Variants in ARHGAP42 observed in about 807,000 individuals in gnomAD.
The protein encoded by ARHGAP42 is rho GTPase-activating protein 42.
A neutral mutation model predicts 125.0 loss-of-function variants in ARHGAP42; 63 were observed. That is an observed-to-expected ratio of 0.50 (90% CI 0.41 to 0.62). The LOEUF is 0.62. Ranked by LOEUF, ARHGAP42 falls within the 20% of genes least tolerant of loss-of-function variation. ARHGAP42 has a pLI of 0.00. For synonymous variants in ARHGAP42, 339 were observed against 351.0 expected, an observed-to-expected ratio of 0.97 and a Z score of 0.38; for missense variants, 766 against 1,024.2, an observed-to-expected ratio of 0.75 and a Z score of 3.44.
chr11:100,745,508 G>A (rs1464817747), intron 1 of ARHGAP42, among the ~76,000 whole-genome samples: 1 of 152,150 alleles, frequency 6.6e-6, no homozygotes, highest in Non-Finnish European at 1.5e-5. Flanking sequence ...AAGAATTGAG[G>A]CTGTTATTCT....
intron 3 of ARHGAP42, among the ~76,000 whole-genome samples, chr11:100,852,673 C>A (rs1222969491): frequency 6.6e-6 from 1 of 152,100 alleles, no homozygotes; most frequent in African/African-American, 2.4e-5. Context: ...TGTACAGTGT[C>A]TCTGATTTTT....
intron 3 of ARHGAP42, chr11:100,839,293 C>T (rs576279857): frequency 1.3e-5 from 2 of 152,118 alleles, no homozygotes; most frequent in South Asian, 2.1e-4. Flanking sequence ...TAATGGAAGA[C>T]AATGTCCTTT....
intron 2 of ARHGAP42, among the ~76,000 whole-genome samples, chr11:100,778,093 G>C (rs544219401): frequency 6.6e-6 from 1 of 152,050 alleles, no homozygotes; most frequent in South Asian, 2.1e-4. Flanking sequence ...AGGATCCCTT[G>C]AGCCCAGAAG....
At chr11:100,693,205 G>C (rs1277187368) in intron 1 of ARHGAP42, among the ~76,000 whole-genome samples, 1 of 145,962 alleles carries the variant, frequency 6.9e-6, no homozygotes, top group Non-Finnish European at 1.5e-5. Flanking sequence ...ATTCCTGTTT[G>C]TTTTGTGAGA....
intron 10 of ARHGAP42, among the ~76,000 whole-genome samples, chr11:100,947,827 C>T (rs1047154488): frequency 6.6e-5 from 10 of 151,894 alleles, no homozygotes; most frequent in African/African-American, 2.2e-4. Flanking sequence ...TATTTTATAT[C>T]TTTTCCTCCA....
chr11:100,710,608 C>T (rs1051465193), intron 1 of ARHGAP42, among the ~76,000 whole-genome samples: 3 of 143,324 alleles, frequency 2.1e-5, no homozygotes, highest in Admixed American at 1.4e-4. Context: ...GGCACGATCT[C>T]GGCTCACTGC....
chr11:100,835,780 G>A (rs892699545), intron 3 of ARHGAP42, among the ~76,000 whole-genome samples: 1 of 136,984 alleles, frequency 7.3e-6, no homozygotes, highest in Admixed American at 7.3e-5. Flanking sequence ...ATATTCCATT[G>A]GATCCCCCCT....
At chr11:100,847,584 A>G (rs184625270) in intron 3 of ARHGAP42, among the ~76,000 whole-genome samples, 1 of 152,264 alleles carries the variant, frequency 6.6e-6, no homozygotes, top group East Asian at 1.9e-4. Flanking sequence ...CGTTAAATAT[A>G]GGTGGGTCGT....
intron 1 of ARHGAP42, among the ~76,000 whole-genome samples, chr11:100,752,626 A>T (rs1862485768): frequency 6.6e-6 from 1 of 152,240 alleles, no homozygotes; most frequent in Non-Finnish European, 1.5e-5. Flanking sequence ...GAATCCAGTG[A>T]TGTAACCTGT....
At chr11:100,787,201 C>G (rs1863457644) in intron 2 of ARHGAP42, among the ~76,000 whole-genome samples, 1 of 151,734 alleles carries the variant, frequency 6.6e-6, no homozygotes, top group Admixed American at 6.6e-5. Context: ...TGGCATGAAC[C>G]TGGGAGGCAG....
At chr11:100,710,064 A>G (rs929221823) in intron 1 of ARHGAP42, among the ~76,000 whole-genome samples, 2 of 152,154 alleles carry the variant, frequency 1.3e-5, no homozygotes, top group African/African-American at 2.4e-5. Context: ...AACTATTTTC[A>G]AAGCACATTC....
chr11:100,951,620 A>C (rs747401383), intron 12 of ARHGAP42, among the ~76,000 whole-genome samples: 6 of 152,144 alleles, frequency 3.9e-5, no homozygotes, highest in Non-Finnish European at 7.4e-5. Context: ...ATCAGAATAT[A>C]CTGATGCTTA....
intron 1 of ARHGAP42, among the ~76,000 whole-genome samples, chr11:100,688,964 T>C (rs1241860111): frequency 6.6e-6 from 1 of 152,182 alleles, no homozygotes; most frequent in Non-Finnish European, 1.5e-5. Context: ...GATAGGGATG[T>C]GTGCGCCTAA....
chr11:100,721,899 T>G (rs1861764774), intron 1 of ARHGAP42, among the ~76,000 whole-genome samples: 1 of 152,228 alleles, frequency 6.6e-6, no homozygotes, highest in South Asian at 2.1e-4. Context: ...ATAAAGCTGT[T>G]ATAAAAATTT....
At chr11:100,975,936 A>T (rs1858378422) in intron 19 of ARHGAP42, 121 bp from the exon 20 acceptor site, 1 of 1,136,296 alleles carries the variant, frequency 8.8e-7, no homozygotes, top group Non-Finnish European at 1.2e-6. Flanking sequence ...GGGGCCTACC[A>T]CTTTAATGGG....
intron 3 of ARHGAP42, among the ~76,000 whole-genome samples, chr11:100,835,736 T>C (rs183709531): frequency 2.0e-5 from 3 of 152,232 alleles, no homozygotes; most frequent in African/African-American, 7.2e-5. Flanking sequence ...TAGTCTTCAT[T>C]TGGTTATAAG....
intron 4 of ARHGAP42, among the ~76,000 whole-genome samples, chr11:100,911,091 T>A (rs1866900473): frequency 6.6e-6 from 1 of 152,174 alleles, no homozygotes; most frequent in Non-Finnish European, 1.5e-5. Flanking sequence ...ATTTTAAGCA[T>A]CTATTTTAAG....
chr11:100,725,753 C>T (rs1861846222), intron 1 of ARHGAP42, among the ~76,000 whole-genome samples: 1 of 151,836 alleles, frequency 6.6e-6, no homozygotes, highest in Non-Finnish European at 1.5e-5. Flanking sequence ...CTGGCTAACA[C>T]AGTGAAACCC....
At chr11:100,783,990 A>G (rs1024890291) in intron 2 of ARHGAP42, among the ~76,000 whole-genome samples, 1 of 152,206 alleles carries the variant, frequency 6.6e-6, no homozygotes, top group Non-Finnish European at 1.5e-5. Flanking sequence ...GAATGTGCCC[A>G]GTGCTTTAGG....
Sources: allele counts gnomAD v4.1 joint callset (sites outside exome capture counted in the v4.1 genomes callset), GRCh38; gene constraint gnomAD v4.1.1; transcripts MANE v1.5; gene names NCBI Gene and HGNC (gene_info 2026-07-23, HGNC 2026-07-21).